The following FCHSD2 variants were observed in gnomAD, a reference collection of about 807,000 sequenced individuals.
The protein encoded by FCHSD2 is F-BAR and double SH3 domains protein 2.
In FCHSD2, 38 loss-of-function variants were observed where a neutral mutation model predicts 108.1. The observed-to-expected ratio is 0.35, with a 90% CI of 0.27 to 0.46. The LOEUF (loss-of-function observed/expected upper bound fraction) is 0.46. Among genes scored for constraint, FCHSD2 ranks in the 20% least tolerant of loss-of-function variants. The probability of loss-of-function intolerance (pLI) is 1.00; values close to 1 mark genes in which losing one functional copy is unlikely to be tolerated. For synonymous variants in FCHSD2, 279 were observed against 314.7 expected (o/e 0.89, Z 1.20); for missense variants, 751 against 897.8 (o/e 0.84, Z 2.09).
chr11:73,050,868 C>T (rs1210092082), intron 3 of FCHSD2, among the ~76,000 whole-genome samples: 2 of 152,212 alleles, frequency 1.3e-5, no homozygotes, highest in Non-Finnish European at 2.9e-5. Flanking sequence ...CCCCTTCTTG[C>T]TACAATGGCC....
intron 9 of FCHSD2, among the ~76,000 whole-genome samples, chr11:72,910,790 C>T (rs1366827881): frequency 6.6e-6 from 1 of 150,624 alleles, no homozygotes; most frequent in Non-Finnish European, 1.5e-5. Context: ...GCCACATCCC[C>T]CTCTCCGAGA....
chr11:73,009,708 T>G (rs1339561365), intron 4 of FCHSD2, among the ~76,000 whole-genome samples: 1 of 152,068 alleles, frequency 6.6e-6, no homozygotes, highest in Admixed American at 6.5e-5. Flanking sequence ...TTTCAGTACT[T>G]TGAATATATC....
At position 72,869,135 on chromosome 11, in the gene FCHSD2, G is replaced by A. The variant is rs556105691; in HGVS notation, c.1147-1109C>T. ...TTGGCCAGGCTGGTGTCGAACTCCT[G>A]ACCTCAGGTGATCCACCTGCTTCAG... On this transcript the variant is annotated intron_variant, in intron 12 of 19. Coordinates refer to ENST00000409418, the MANE Select transcript of FCHSD2 (RefSeq NM_014824.3). 5.3e-5 allele frequency among the ~76,000 whole-genome samples: 8 copies of A among 152,164 alleles called. No individual in the cohort carries two copies. In the South Asian group the frequency reaches 1.7e-3, roughly 32 times the overall value.
At chr11:73,021,895 C>T (rs1042606244) in intron 3 of FCHSD2, among the ~76,000 whole-genome samples, 1 of 151,806 alleles carries the variant, frequency 6.6e-6, no homozygotes, top group Non-Finnish European at 1.5e-5. Context: ...CACAAGGAGA[C>T]CCCTGTCTCT....
intron 3 of FCHSD2, among the ~76,000 whole-genome samples, chr11:73,067,478 TA>T (rs376826474): frequency 6.7e-4 from 97 of 144,736 alleles, no homozygotes; most frequent in African/African-American, 1.8e-3. Flanking sequence ...TAAAGTATAA[TA>T]AAAAAAAAAG....
At chr11:72,872,130 A>C (rs1180897135) in intron 12 of FCHSD2, among the ~76,000 whole-genome samples, 1 of 152,064 alleles carries the variant, frequency 6.6e-6, no homozygotes, top group Non-Finnish European at 1.5e-5. Flanking sequence ...TCTTTATATA[A>C]GACAATTGGA....
chr11:72,944,029 A>C (rs1364362623), intron 8 of FCHSD2, among the ~76,000 whole-genome samples: 1 of 152,216 alleles, frequency 6.6e-6, no homozygotes, highest in African/African-American at 2.4e-5. Context: ...AAAAGAGGGA[A>C]TCCTCCCTAA....
chr11:72,878,702 GT>G (rs1855019971), intron 12 of FCHSD2, among the ~76,000 whole-genome samples: 1 of 152,172 alleles, frequency 6.6e-6, no homozygotes, highest in African/African-American at 2.4e-5. Context: ...TCTATAATAA[GT>G]TGAAATGATG....
At chr11:72,985,750 T>A (rs1857298795) in intron 6 of FCHSD2, among the ~76,000 whole-genome samples, 1 of 152,168 alleles carries the variant, frequency 6.6e-6, no homozygotes, top group East Asian at 1.9e-4. Flanking sequence ...CCCTTGATCC[T>A]TTTTCAGTTT....
chr11:72,841,740 A>G (rs1860960168), intron 17 of FCHSD2, among the ~76,000 whole-genome samples, 157 bp from the exon 18 acceptor site: 1 of 152,100 alleles, frequency 6.6e-6, no homozygotes, highest in South Asian at 2.1e-4. Flanking sequence ...TTAAATAACC[A>G]CCTCAAGCTC....
At chr11:73,077,775 G>T in intron 3 of FCHSD2, 1 of 288,994 alleles carries the variant, frequency 3.5e-6, no homozygotes, top group South Asian at 3.0e-5. Context: ...GGGATTATAA[G>T]GACACACAGG....
At chr11:72,888,020 G>A (rs1855234960) in intron 11 of FCHSD2, among the ~76,000 whole-genome samples, 1 of 152,212 alleles carries the variant, frequency 6.6e-6, no homozygotes, top group African/African-American at 2.4e-5. Flanking sequence ...CACAGTAGTA[G>A]CAAGGCCCAA....
At chr11:72,866,334 AT>A (rs2135200834) in intron 13 of FCHSD2, among the ~76,000 whole-genome samples, 1 of 152,116 alleles carries the variant, frequency 6.6e-6, no homozygotes, top group East Asian at 1.9e-4. Flanking sequence ...CAATGGCATG[AT>A]TTTGGCTCCC....
intron 8 of FCHSD2, among the ~76,000 whole-genome samples, chr11:72,982,245 C>T (rs1444109585): frequency 6.6e-6 from 1 of 152,148 alleles, no homozygotes; most frequent in Non-Finnish European, 1.5e-5. Flanking sequence ...CCTGAAGGTC[C>T]CGAGAACTGT....
intron 5 of FCHSD2, among the ~76,000 whole-genome samples, chr11:72,993,507 C>T (rs1276450682): frequency 6.6e-6 from 1 of 152,132 alleles, no homozygotes; most frequent in Non-Finnish European, 1.5e-5. Context: ...TTGGAACCAA[C>T]CCAAATGTCC....
chr11:72,975,798 C>A (rs529898819), intron 8 of FCHSD2, among the ~76,000 whole-genome samples: 4 of 152,284 alleles, frequency 2.6e-5, no homozygotes, highest in African/African-American at 9.6e-5. Flanking sequence ...ATCAACTAGT[C>A]AATGTATGTT....
At chr11:73,002,021 G>C (rs1009375071) in intron 4 of FCHSD2, among the ~76,000 whole-genome samples, 2 of 152,088 alleles carry the variant, frequency 1.3e-5, no homozygotes, top group Non-Finnish European at 2.9e-5. Context: ...TTTAAAATGA[G>C]TCCTTAAAGT....
intron 3 of FCHSD2, among the ~76,000 whole-genome samples, chr11:73,055,134 A>G (rs1858994961): frequency 6.6e-6 from 1 of 152,084 alleles, no homozygotes; most frequent in African/African-American, 2.4e-5. Flanking sequence ...AAACCATCAG[A>G]TCTCGAAAGA....
At chr11:72,984,284 ACTCTTAGTTTG>A in intron 7 of FCHSD2, 68 bp from the exon 8 acceptor site, 1 of 1,495,054 alleles carries the variant, frequency 6.7e-7, no homozygotes, top group South Asian at 1.2e-5. Context: ...TAGGAATCCT[ACTCTTAGTTTG>A]CAATTAATGG....
Sources: allele counts gnomAD v4.1 joint callset (sites outside exome capture counted in the v4.1 genomes callset), GRCh38; gene constraint gnomAD v4.1.1; transcripts MANE v1.5; gene names NCBI Gene and HGNC (gene_info 2026-07-23, HGNC 2026-07-21).